The following KLHL36 variants were observed in gnomAD, a reference collection of about 807,000 sequenced individuals.
The protein encoded by KLHL36 is kelch like family member 36, also known as kelch-like protein 36.
KLHL36 carries 35 observed loss-of-function variants against 53.3 expected under a neutral mutation model. The ratio of observed to expected loss-of-function variants is 0.66; its 90% confidence interval spans 0.50 to 0.87. The LOEUF (loss-of-function observed/expected upper bound fraction) is 0.87, where lower values mean the gene tolerates loss of function less well. Among genes scored for constraint, KLHL36 ranks in the 40% least tolerant of loss-of-function variants. The pLI is 0.00. For synonymous variants in KLHL36, 472 were observed against 398.9 expected, an observed-to-expected ratio of 1.18 and a Z score of -2.18; for missense variants, 864 against 897.6, an observed-to-expected ratio of 0.96 and a Z score of 0.48.
rs80159536 is a variant in KLHL36 at position 84,657,104 on chromosome 16, C to T, written c.297C>T (p.Ala99=). The part of the protein sequence containing the change: ...LIGASYIGLK[A]VVDFLYGGEL... ...GCGCCTCCTACATTGGGCTCAAGGC[C>T]GTGGTGGACTTCCTGTACGGCGGGG... Residue 99 remains alanine, a synonymous_variant, in exon 3 of 5, where the codon GCC becomes GCT. Coordinates refer to ENST00000564996, the MANE Select transcript of KLHL36 (RefSeq NM_024731.4). 19 of 1,614,160 alleles carry T rather than the reference C, an allele frequency of 1.2e-5. No homozygotes were observed. The highest frequency in any genetic ancestry group is 6.7e-5 in the African/African-American group (5 of 75,042).
At chr16:84,652,264 A>T (rs767490709) in intron 2 of KLHL36, among the ~76,000 whole-genome samples, 1 of 151,496 alleles carries the variant, frequency 6.6e-6, no homozygotes, top group East Asian at 1.9e-4. Flanking sequence ...TCACTGGATG[A>T]TGTTTCTAAC....
chr16:84,651,215 G>A (rs1041836972), intron 2 of KLHL36, among the ~76,000 whole-genome samples: 6 of 152,210 alleles, frequency 3.9e-5, no homozygotes, highest in African/African-American at 1.4e-4. Context: ...TTAACCCAAG[G>A]AGGTGGATGG....
intron 2 of KLHL36, among the ~76,000 whole-genome samples, chr16:84,656,173 G>C (rs1215288524): frequency 2.0e-5 from 3 of 152,146 alleles, no homozygotes; most frequent in Non-Finnish European, 2.9e-5. Flanking sequence ...GAGATTACAG[G>C]CATGAGCCAC....
chr16:84,659,049 T>A (rs1374736715), intron 3 of KLHL36: 2 of 152,172 alleles, frequency 1.3e-5, no homozygotes, highest in African/African-American at 4.8e-5. Flanking sequence ...TCACCCAAGC[T>A]GGAGTGCAGT....
Position 84,665,241 on chromosome 16 carries a change from C to T in KLHL36, c.*3108C>T, listed in dbSNP as rs556593478. On this transcript the variant is annotated 3_prime_UTR_variant, in exon 5 of 5. Coordinates refer to ENST00000564996, the MANE Select transcript of KLHL36 (RefSeq NM_024731.4). Reference sequence around the variant, plus strand: ...CTATTCTGCTTGAATTTTGAAGACACCTGGATCTTTTTTTTTTTTTAACAT... The same window carrying T: ...CTATTCTGCTTGAATTTTGAAGACATCTGGATCTTTTTTTTTTTTTAACAT... 3 of 116,172 alleles carry T rather than the reference C, an allele frequency of 2.6e-5. No homozygotes were observed. Among genetic ancestry groups the T allele is most frequent in the East Asian group, 2.4e-4 (1 of 4,228 alleles). 7.2% of individuals were successfully genotyped at this position (116,172 alleles called of 1,614,324 possible). A position where few individuals can be genotyped will look rare whatever the true frequency, so the allele number is the denominator to read the frequency against.
chr16:84,658,223 G>C (rs755303375), intron 3 of KLHL36: 42 of 315,322 alleles, frequency 1.3e-4, no homozygotes, highest in Middle Eastern at 1.7e-3. Flanking sequence ...TTCCCGATAC[G>C]GTAGCCACAG....
intron 1 of KLHL36, 142 bp from the exon 2 acceptor site, chr16:84,650,710 C>G (rs984595069): frequency 1.6e-6 from 1 of 607,252 alleles, no homozygotes; most frequent in African/African-American, 1.9e-5. Context: ...TAAAAGAGTT[C>G]TTTGTAGTGC....
chr16:84,653,648 C>G (rs1907032747), intron 2 of KLHL36, among the ~76,000 whole-genome samples: 1 of 152,032 alleles, frequency 6.6e-6, no homozygotes, highest in African/African-American at 2.4e-5. Flanking sequence ...TAAGACCAGC[C>G]TGGCCAAAAT....
In KLHL36 at chr16:84,661,284, G is replaced by T. The variant is rs1907529245; in HGVS notation, c.1296-294G>T. Among the ~76,000 whole-genome samples the T allele has an allele frequency of 6.6e-6, 1 of 152,228 alleles. No homozygotes were observed. Among genetic ancestry groups the T allele is most frequent in the Non-Finnish European group, 1.5e-5 (1 of 68,040 alleles). On this transcript the variant is annotated intron_variant, in intron 4 of 4. Coordinates refer to ENST00000564996, the MANE Select transcript of KLHL36 (RefSeq NM_024731.4). This position sits in a 1 kb window ranked among gnomAD's most constrained non-coding sequence, Gnocchi z 7.9. ...AGTCGTTTCCAGCCATTGTGAAAAG[G>T]GTGATGGTCCTGTGATTATTCCCAT...
In KLHL36 at chr16:84,662,148, C is replaced by T. The variant is rs754236346; in HGVS notation, c.*15C>T. The T allele has an allele frequency of 6.7e-7, 1 of 1,500,224 alleles. No homozygotes were observed. Among genetic ancestry groups the T allele is most frequent in the Non-Finnish European group, 8.9e-7 (1 of 1,119,880 alleles). 92.9% of individuals were successfully genotyped at this position (1,500,224 alleles called of 1,614,324 possible). On this transcript the variant is annotated 3_prime_UTR_variant, in exon 5 of 5. Transcript: ENST00000564996. ...GGGGCCAGTGACCCTAGCTGCGCCTCTTGGGACCATCCTCACCGTCACCTC... is the reference window on the plus strand; with the variant it reads ...GGGGCCAGTGACCCTAGCTGCGCCTTTTGGGACCATCCTCACCGTCACCTC...
intron 2 of KLHL36, 148 bp from the exon 3 acceptor site, chr16:84,656,723 C>G: frequency 1.6e-6 from 1 of 631,848 alleles, no homozygotes; most frequent in South Asian, 2.0e-5. Context: ...TCAGAAACAC[C>G]TGTACTTCCT....
At chr16:84,652,512 G>A (rs368371083) in intron 2 of KLHL36, among the ~76,000 whole-genome samples, 7 of 152,136 alleles carry the variant, frequency 4.6e-5, no homozygotes, top group South Asian at 2.1e-4. Context: ...CTCGTGACCC[G>A]CCAGCCTTGG....
rs112955471 is a variant in KLHL36, at chr16:84,661,553, C to T, written c.1296-25C>T. ...CCTGGCACAGCCCTGAGCTCTCCCT[C>T]TGTCTCTGCCCGTCGACCCTGCAGG... is the stretch of plus-strand genomic sequence containing the variant. On this transcript the variant is annotated intron_variant, in intron 4 of 4. Coordinates refer to ENST00000564996, the MANE Select transcript of KLHL36 (RefSeq NM_024731.4). This position sits in a 1 kb window ranked among gnomAD's most constrained non-coding sequence, Gnocchi z 7.9. 8 of 1,552,390 alleles carry T rather than the reference C, an allele frequency of 5.2e-6. No homozygotes were observed. The highest frequency in any genetic ancestry group is 6.1e-6 in the Non-Finnish European group (7 of 1,145,320).
chr16:84,659,590 G>A (rs907161351), intron 3 of KLHL36, 170 bp from the exon 4 acceptor site: 5 of 655,476 alleles, frequency 7.6e-6, no homozygotes, highest in African/African-American at 7.2e-5. Flanking sequence ...TGAAACCTCG[G>A]GGGCTCAGAG....
At position 84,664,696 on chromosome 16, in the gene KLHL36, CTTG is replaced by C. The variant is rs890238183; in HGVS notation, c.*2567_*2569del. 1 of 152,166 alleles carries C rather than the reference CTTG, an allele frequency of 6.6e-6. No homozygotes were observed. The highest frequency in any genetic ancestry group is 2.4e-5 in the African/African-American group (1 of 41,430). 9.4% of individuals were successfully genotyped at this position (152,166 alleles called of 1,614,324 possible). ...CACTGTGACAAGAAAGGTTTTTGAG[CTTG>C]TTGGGGTCAGTGGATGGGCACAAGG... On this transcript the variant is annotated 3_prime_UTR_variant, in exon 5 of 5. Transcript: ENST00000564996.
intron 1 of KLHL36, 61 bp from the exon 2 acceptor site, chr16:84,650,791 T>A: frequency 8.0e-7 from 1 of 1,254,568 alleles, no homozygotes; most frequent in South Asian, 1.3e-5. Flanking sequence ...TAGCAGGGCC[T>A]GAAATTAATG....
chr16:84,659,817 C>G lies in KLHL36; in HGVS notation c.1195C>G (p.Leu399Val), dbSNP rs1291229277. Residue 399 changes from leucine to valine, a missense_variant, in exon 4 of 5, where the codon CTG (leucine) becomes GTG (valine). Physicochemically the swap from Leu to Val is conservative, Grantham distance 32. Transcript: ENST00000564996. ...CTACCTTGCCTCCATCGAAGACATG[C>G]TGGTGGCCATCGGCGGCCGGAATGA... ...DFYLASIEDM[L>V]VAIGGRNENG... 6 of 1,614,032 alleles carry G rather than the reference C, an allele frequency of 3.7e-6. No individual in the cohort carries two copies. The East Asian group carries it at 1.1e-4, about 30-fold the overall frequency.
chr16:84,650,836 C>T lies in KLHL36; in HGVS notation c.-16-16C>T. The stretch of plus-strand genomic sequence containing the variant: ...GAGTTATGACTGCATGCTCAGAAAT[C>T]CTGTTCTTCTCCTAGGGCTGAAATC... On this transcript the variant is annotated splice_polypyrimidine_tract_variant and intron_variant, in intron 1 of 4. Transcript: ENST00000564996. 2 of 1,591,198 alleles carry T rather than the reference C, an allele frequency of 1.3e-6. No homozygotes were observed. The highest frequency in any genetic ancestry group is 1.1e-5 in the South Asian group (1 of 89,954).
At position 84,667,350 on chromosome 16, in the gene KLHL36, T is replaced by C. The variant is rs1190253511; in HGVS notation, c.*5217T>C. On this transcript the variant is annotated 3_prime_UTR_variant, in exon 5 of 5. Transcript: ENST00000564996. ...TTTGATGATTAAGTGATTCATTGGGTATGTTCTGGCTACTGATGTTACTGA... is the reference window on the plus strand; with the variant it reads ...TTTGATGATTAAGTGATTCATTGGGCATGTTCTGGCTACTGATGTTACTGA... 1 of 152,240 alleles carries C rather than the reference T, an allele frequency of 6.6e-6. No homozygotes were observed. The highest frequency in any genetic ancestry group is 1.5e-5 in the Non-Finnish European group (1 of 68,034). 9.4% of individuals were successfully genotyped at this position (152,240 alleles called of 1,614,324 possible).
Sources: gnomAD v4.1 joint callset for allele counts (sites outside exome capture counted in the v4.1 genomes callset) on GRCh38, gnomAD v4.1.1 for gene constraint, Gnocchi (gnomAD v3.1) non-coding constraint, MANE v1.5 for transcripts, NCBI Gene and HGNC (gene_info 2026-07-23, HGNC 2026-07-21) for gene names.